The following PACS1 variants were observed in gnomAD, a reference collection of about 807,000 sequenced individuals.
PACS1 encodes phosphofurin acidic cluster sorting protein 1, also known as PACS-1.
In PACS1, 24 loss-of-function variants were observed where a neutral mutation model predicts 115.0. That is an observed-to-expected ratio of 0.21 (90% CI 0.15 to 0.29). PACS1 has a LOEUF of 0.29. Ranked by LOEUF, PACS1 falls within the 10% of genes least tolerant of loss-of-function variation. The probability of loss-of-function intolerance (pLI) is 1.00; values close to 1 mark genes in which losing one functional copy is unlikely to be tolerated. For synonymous variants in PACS1, 453 were observed against 504.5 expected, an observed-to-expected ratio of 0.90 and a Z score of 1.37; for missense variants, 838 against 1,251.2, an observed-to-expected ratio of 0.67 and a Z score of 4.98.
At chr11:66,241,400 C>T (rs1290007211) in intron 21 of PACS1, 27 bp from the exon 22 acceptor site, 1 of 1,534,230 alleles carries the variant, frequency 6.5e-7, no homozygotes, top group Non-Finnish European at 8.9e-7. Context: ...GCAGAGCTGA[C>T]CTCTCCTCTT....
intron 1 of PACS1, among the ~76,000 whole-genome samples, chr11:66,096,091 T>C (rs1428299457): frequency 6.6e-6 from 1 of 152,010 alleles, no homozygotes; most frequent in East Asian, 1.9e-4. Context: ...TGCACTACCA[T>C]GCTCAGCTAA....
At chr11:66,234,042 CAAG>C in intron 16 of PACS1, 87 bp from the exon 17 acceptor site, 1 of 1,536,910 alleles carries the variant, frequency 6.5e-7, no homozygotes. Context: ...AAGGGACAGT[CAAG>C]GAGACCAAGG....
intron 1 of PACS1, among the ~76,000 whole-genome samples, chr11:66,163,750 G>A (rs1320555002): frequency 1.3e-5 from 2 of 152,110 alleles, no homozygotes; most frequent in Non-Finnish European, 2.9e-5. Context: ...CTCTTTCTGA[G>A]TGCAGCTGTT....
intron 1 of PACS1, among the ~76,000 whole-genome samples, chr11:66,187,349 T>C (rs186745131): frequency 6.6e-6 from 1 of 152,280 alleles, no homozygotes; most frequent in African/African-American, 2.4e-5. Context: ...CTCCTAGCTA[T>C]CTGTAATTAA....
At chr11:66,101,603 T>C (rs955628356) in intron 1 of PACS1, among the ~76,000 whole-genome samples, 1 of 152,204 alleles carries the variant, frequency 6.6e-6, no homozygotes, top group Non-Finnish European at 1.5e-5. Flanking sequence ...GGAGGAGTGC[T>C]AGGTATTCCT....
chr11:66,234,169 C>T lies in PACS1; in HGVS notation c.2031C>T (p.Asp677=). ...TGGCCAAATACTTGGGGTCAGTCGACAGTAAATACAGTAGTTCCTTCCTGG... is the reference window on the plus strand; with the variant it reads ...TGGCCAAATACTTGGGGTCAGTCGATAGTAAATACAGTAGTTCCTTCCTGG... ...HPVAKYLGSV[D]SKYSSSFLDS... Residue 677 remains aspartate, a synonymous_variant, in exon 17 of 24, where the codon GAC becomes GAT. Coordinates refer to ENST00000320580, the MANE Select transcript of PACS1 (RefSeq NM_018026.4). The T allele has an allele frequency of 6.2e-7, 1 of 1,614,060 alleles. No homozygotes were observed. The highest frequency in any genetic ancestry group is 1.1e-5 in the South Asian group (1 of 91,082).
intron 1 of PACS1, among the ~76,000 whole-genome samples, chr11:66,155,361 A>G (rs906170424): frequency 6.6e-6 from 1 of 152,236 alleles, no homozygotes; most frequent in African/African-American, 2.4e-5. Flanking sequence ...TTTACAATAG[A>G]TAAATCTGAC....
At chr11:66,126,770 T>C (rs190085229) in intron 1 of PACS1, among the ~76,000 whole-genome samples, 5 of 152,240 alleles carry the variant, frequency 3.3e-5, no homozygotes, top group South Asian at 2.1e-4. Context: ...CTGGAACTTA[T>C]GTTTACTAGG....
intron 7 of PACS1, 82 bp from the exon 8 acceptor site, chr11:66,219,664 G>A: frequency 1.0e-6 from 1 of 992,000 alleles, no homozygotes; most frequent in Non-Finnish European, 1.6e-6. Context: ...CGTCATGAAA[G>A]TGGGCTCTGG....
intron 1 of PACS1, among the ~76,000 whole-genome samples, chr11:66,166,067 G>A (rs1456084213): frequency 6.6e-6 from 1 of 152,052 alleles, no homozygotes; most frequent in South Asian, 2.1e-4. Context: ...TTCTTCAGTG[G>A]CTTTCCATCA....
chr11:66,114,466 C>T (rs1858260548), intron 1 of PACS1, among the ~76,000 whole-genome samples: 1 of 150,686 alleles, frequency 6.6e-6, no homozygotes, highest in South Asian at 2.1e-4. Context: ...TTTGTACTTA[C>T]AGGCCTATCT....
chr11:66,155,226 A>T (rs1029631574), intron 1 of PACS1, among the ~76,000 whole-genome samples: 1 of 152,220 alleles, frequency 6.6e-6, no homozygotes, highest in African/African-American at 2.4e-5. Context: ...GTGTGAAAAG[A>T]TTTTCTAAGT....
intron 1 of PACS1, among the ~76,000 whole-genome samples, chr11:66,162,121 T>G (rs1209304846): frequency 1.6e-5 from 2 of 127,058 alleles, no homozygotes; most frequent in African/African-American, 6.0e-5. Context: ...GGTTTTTTTT[T>G]TTTTTTTTTT....
At chr11:66,144,255 A>G (rs912190499) in intron 1 of PACS1, among the ~76,000 whole-genome samples, 4 of 152,198 alleles carry the variant, frequency 2.6e-5, no homozygotes, top group Admixed American at 6.5e-5. Flanking sequence ...GCTGTATGAC[A>G]AGAGCTAGCC....
At chr11:66,183,759 G>T (rs148127232) in intron 1 of PACS1, among the ~76,000 whole-genome samples, 398 of 152,338 alleles carry the variant, frequency 2.6e-3, no homozygotes, top group African/African-American at 8.9e-3. Context: ...CTGGTAGGCA[G>T]CCTCAAGAGC....
chr11:66,238,913 G>A, intron 20 of PACS1, 67 bp downstream of exon 20: 1 of 1,484,602 alleles, frequency 6.7e-7, no homozygotes, highest in South Asian at 1.2e-5. Context: ...CTCTAGTCCA[G>A]CAGGCCAGAA....
intron 1 of PACS1, among the ~76,000 whole-genome samples, chr11:66,153,616 C>T (rs961602363): frequency 3.9e-5 from 6 of 152,012 alleles, no homozygotes; most frequent in Non-Finnish European, 7.4e-5. Flanking sequence ...CCCGTCTCTA[C>T]CAAAAATACA....
chr11:66,170,046 GTTAAA>G (rs1859699810), intron 1 of PACS1, among the ~76,000 whole-genome samples: 1 of 150,494 alleles, frequency 6.6e-6, no homozygotes, highest in Non-Finnish European at 1.5e-5. Flanking sequence ...AATAATTTCT[GTTAAA>G]TTATATGTTT....
intron 1 of PACS1, among the ~76,000 whole-genome samples, chr11:66,126,456 A>G (rs746441060): frequency 3.9e-5 from 6 of 152,208 alleles, no homozygotes; most frequent in Non-Finnish European, 5.9e-5. Flanking sequence ...AGAATCAGCT[A>G]TTGAACTGGG....
Sources: allele counts gnomAD v4.1 joint callset (sites outside exome capture counted in the v4.1 genomes callset), GRCh38; gene constraint gnomAD v4.1.1; transcripts MANE v1.5; gene names NCBI Gene and HGNC (gene_info 2026-07-23, HGNC 2026-07-21).